The following RUNX1T1 variants were observed in gnomAD, a reference collection of about 807,000 sequenced individuals.
The protein encoded by RUNX1T1 is RUNX1 partner transcriptional co-repressor 1.
A neutral mutation model predicts 62.8 loss-of-function variants in RUNX1T1; 4 were observed. That is an observed-to-expected ratio of 0.06 (90% CI 0.03 to 0.15). The LOEUF is 0.15. RUNX1T1 is among the 10% of genes least tolerant of loss of function. The pLI, the probability that RUNX1T1 is intolerant of heterozygous loss-of-function variation, is 1.00. For missense variants in RUNX1T1, 508 were observed against 754.3 expected, an observed-to-expected ratio of 0.67 and a Z score of 3.82; for synonymous variants, 291 against 286.0, an observed-to-expected ratio of 1.02 and a Z score of -0.18.
At chr8:91,986,064 G>A in intron 8 of RUNX1T1, 60 bp downstream of exon 9, 9 of 1,115,900 alleles carry the variant, frequency 8.1e-6, no homozygotes, top group Non-Finnish European at 1.2e-5. Context: ...TAAAAATGAA[G>A]TCAGCATTAA....
chr8:91,983,154 C>A (rs1815783866), intron 8 of RUNX1T1, among the ~76,000 whole-genome samples: 1 of 151,392 alleles, frequency 6.6e-6, no homozygotes, highest in African/African-American at 2.4e-5. Context: ...AGGCTGGTCT[C>A]CAACCCCCGA....
chr8:92,102,423 G>GAAAAA (rs1020530151), upstream of RUNX1T1, among the ~76,000 whole-genome samples: 1 of 100,428 alleles, frequency 1.0e-5, no homozygotes, highest in Non-Finnish European at 2.2e-5. This position sits in a 1 kb window ranked among gnomAD's most constrained non-coding sequence, Gnocchi z 4.5. Context: ...AAAAAGAAAA[G>GAAAAA]AAAAAAAAAA....
intron 5 of RUNX1T1, among the ~76,000 whole-genome samples, chr8:91,996,962 GA>G (rs34308214): frequency 1.1e-3 from 151 of 133,154 alleles, no homozygotes; most frequent in Admixed American, 1.1e-3. Flanking sequence ...TCTCTACTAA[GA>G]AAAAAAAAAA....
At chr8:92,042,847 A>T (rs1828704524) in intron 1 of RUNX1T1, among the ~76,000 whole-genome samples, 1 of 152,226 alleles carries the variant, frequency 6.6e-6, no homozygotes. Flanking sequence ...AAATAAACAC[A>T]GCTTTTCCTT....
chr8:91,973,497 A>C (rs1050166329), intron 9 of RUNX1T1, among the ~76,000 whole-genome samples: 2 of 152,060 alleles, frequency 1.3e-5, no homozygotes, highest in African/African-American at 4.8e-5. Context: ...GTTATGCTAC[A>C]TCAAGTTTTG....
At chr8:92,034,801 C>CATATATATATACAT (rs1554630750) in intron 1 of RUNX1T1, among the ~76,000 whole-genome samples, 5,606 of 113,408 alleles carry the variant, frequency 0.049, 521 homozygotes, top group Middle Eastern at 0.075. Context: ...CATATATACA[C>CATATATATATACAT]ACACACACAC....
At chr8:91,959,991 T>A in exon 11 of RUNX1T1, 1 of 534,662 alleles carries the variant, frequency 1.9e-6, no homozygotes, top group Non-Finnish European at 3.4e-6. Context: ...TTATATTCTC[T>A]GCTCTCTTTT....
At chr8:92,013,729 A>G (rs1223307149) in intron 3 of RUNX1T1, among the ~76,000 whole-genome samples, 2 of 152,222 alleles carry the variant, frequency 1.3e-5, no homozygotes, top group African/African-American at 4.8e-5. Flanking sequence ...TCTATTTTCT[A>G]GTGTGACAAT....
Position 92,012,298 on chromosome 8 carries a change from C to T in RUNX1T1, c.388-1207G>A, listed in dbSNP as rs186700802. Among the ~76,000 whole-genome samples, 537 of 152,236 alleles carry T rather than the reference C, an allele frequency of 3.5e-3. 3 individuals carry two copies. The highest frequency in any genetic ancestry group is 6.0e-3 in the South Asian group (29 of 4,820). On this transcript the variant is annotated intron_variant, in intron 3 of 10. Coordinates refer to ENST00000396218, the Ensembl canonical transcript of RUNX1T1. ...TGGCTCACGCCTGTAATCCCAGTAG[C>T]TTTGGGAGGCCAAGGTGGGAGTGTC...
chr8:92,075,986 C>CT lies in RUNX1T1; in HGVS notation c.66dup (p.Gly23ArgfsTer4), dbSNP rs1419748338. On this transcript the variant is annotated frameshift_variant, in exon 2 of 12. Transcript: ENST00000265814. LOFTEE classifies it high-confidence loss of function. Reference sequence around the variant, plus strand: ...TTACCTTGACAATATTCAAAGTTCCCTTTTTTCCGGCAGTCACCTATTACT... The same window carrying CT: ...TTACCTTGACAATATTCAAAGTTCCCTTTTTTTCCGGCAGTCACCTATTACT... 1.9e-6 allele frequency: 3 copies of CT among 1,610,768 alleles called. No homozygotes were observed. The highest frequency in any genetic ancestry group is 1.7e-5 in the Admixed American group (1 of 59,726).
At chr8:92,074,765 T>G (rs1834179091) in intron 2 of RUNX1T1, among the ~76,000 whole-genome samples, 1 of 152,198 alleles carries the variant, frequency 6.6e-6, no homozygotes, top group Admixed American at 6.5e-5. Flanking sequence ...TCTCAACTGC[T>G]TAAACAATTG....
chr8:92,039,363 G>A (rs1036470960), intron 1 of RUNX1T1, among the ~76,000 whole-genome samples: 8 of 151,896 alleles, frequency 5.3e-5, no homozygotes, highest in African/African-American at 1.5e-4. Context: ...GCTTCACCCC[G>A]TACACCACTC....
chr8:92,076,008 T>C, exon 2 of RUNX1T1: 2 of 1,612,180 alleles, frequency 1.2e-6, no homozygotes, highest in Non-Finnish European at 1.7e-6. Context: ...AGTCACCTAT[T>C]ACTAAACTCA....
chr8:92,056,886 C>T (rs1428175090), intron 1 of RUNX1T1, among the ~76,000 whole-genome samples: 1 of 152,122 alleles, frequency 6.6e-6, no homozygotes. Flanking sequence ...TTCCGATTAA[C>T]AAAAGATAGC....
intron 3 of RUNX1T1, among the ~76,000 whole-genome samples, chr8:92,013,605 G>A (rs1000756056): frequency 6.6e-6 from 1 of 152,126 alleles, no homozygotes; most frequent in African/African-American, 2.4e-5. Flanking sequence ...TAGCTTCTCC[G>A]TGACTCAGTT....
intron 1 of RUNX1T1, among the ~76,000 whole-genome samples, chr8:92,049,540 C>G (rs185703906): frequency 2.6e-5 from 4 of 152,266 alleles, no homozygotes; most frequent in Admixed American, 2.6e-4. Context: ...TAAGTGCTGA[C>G]TAAACTTGCC....
chr8:91,957,505 T>A (rs940408972), downstream of RUNX1T1: 1 of 232,084 alleles, frequency 4.3e-6, no homozygotes, highest in Non-Finnish European at 8.5e-6. Context: ...TTAGGGATTT[T>A]TTTTTGTATT....
intron 4 of RUNX1T1, among the ~76,000 whole-genome samples, chr8:92,007,869 A>G (rs1821085504): frequency 6.6e-6 from 1 of 151,806 alleles, no homozygotes; most frequent in East Asian, 2.0e-4. Flanking sequence ...TTGGGAGGCT[A>G]AAGTGAGAGG....
At chr8:92,101,636 G>C (rs1053586786), upstream of RUNX1T1, among the ~76,000 whole-genome samples, 14 of 152,260 alleles carry the variant, frequency 9.2e-5, no homozygotes, top group Middle Eastern at 3.4e-3. Context: ...AAGGCCTTTT[G>C]GGGGAGAGGG....
Sources: gnomAD v4.1 joint callset for allele counts (sites outside exome capture counted in the v4.1 genomes callset) on GRCh38, gnomAD v4.1.1 for gene constraint, Gnocchi (gnomAD v3.1) non-coding constraint, MANE v1.5 for transcripts, NCBI Gene and HGNC (gene_info 2026-07-23, HGNC 2026-07-21) for gene names.